The following PCDHGA4 variants were observed in gnomAD, a reference collection of about 807,000 sequenced individuals.
PCDHGA4 encodes protocadherin gamma-A4.
Under a neutral mutation model 54.6 loss-of-function variants are expected in PCDHGA4, and 38 were observed. The observed-to-expected ratio is 0.70, with a 90% CI of 0.54 to 0.91. The LOEUF is 0.91. PCDHGA4 is among the 40% of genes least tolerant of loss of function. PCDHGA4 has a pLI of 0.00. For synonymous variants in PCDHGA4, 511 were observed against 512.9 expected, an observed-to-expected ratio of 1.00 and a Z score of 0.05; for missense variants, 1,298 against 1,220.9, an observed-to-expected ratio of 1.06 and a Z score of -0.94.
intron 1 of PCDHGA4, chr5:141,398,766 T>C (rs775055352): frequency 6.2e-6 from 10 of 1,613,844 alleles, no homozygotes; most frequent in Non-Finnish European, 7.6e-6. Flanking sequence ...TAGTCCTGAC[T>C]GCCTTGGACG....
chr5:141,377,582 T>A (rs1774132578), intron 1 of PCDHGA4: 1 of 150,722 alleles, frequency 6.6e-6, no homozygotes. Flanking sequence ...GGAGACAGAA[T>A]GAGACTTTTT....
chr5:141,387,024 G>T (rs888266912), intron 1 of PCDHGA4, among the ~76,000 whole-genome samples: 2 of 152,172 alleles, frequency 1.3e-5, no homozygotes, highest in Non-Finnish European at 2.9e-5. Context: ...GATGAATGTT[G>T]TATTTCATAA....
At chr5:141,383,468 A>C in intron 1 of PCDHGA4, 1 of 1,613,774 alleles carries the variant, frequency 6.2e-7, no homozygotes, top group Non-Finnish European at 8.5e-7. Context: ...GATGAAACTA[A>C]GTACCCGGAA....
intron 1 of PCDHGA4, among the ~76,000 whole-genome samples, chr5:141,471,145 G>T (rs569617031): frequency 3.4e-4 from 50 of 148,740 alleles, no homozygotes; most frequent in Non-Finnish European, 5.4e-4. Flanking sequence ...TGCCTCCTGG[G>T]TTCAAGTGAT....
At chr5:141,400,799 G>A in intron 1 of PCDHGA4, 1 of 553,494 alleles carries the variant, frequency 1.8e-6, no homozygotes, top group Non-Finnish European at 3.2e-6. Context: ...CTTTCTCAAA[G>A]CTAATGAATT....
chr5:141,416,449 G>A (rs938389094), intron 1 of PCDHGA4: 1 of 152,138 alleles, frequency 6.6e-6, no homozygotes, highest in Non-Finnish European at 1.5e-5. Context: ...AATATGGGTT[G>A]GGAAGACAGA....
intron 1 of PCDHGA4, chr5:141,418,233 ATGT>A: frequency 6.2e-7 from 1 of 1,614,048 alleles, no homozygotes; most frequent in Admixed American, 1.7e-5. Context: ...GTGATTGAGG[ATGT>A]TAATGACCAC....
intron 1 of PCDHGA4, chr5:141,410,095 C>T (rs2095356889): frequency 1.2e-6 from 2 of 1,612,676 alleles, no homozygotes; most frequent in Non-Finnish European, 1.7e-6. Flanking sequence ...CGGCTCGAGC[C>T]TTAGGCGACA....
In PCDHGA4 at chr5:141,512,848, G is replaced by C. The variant is rs1362051688; in HGVS notation, c.*1675G>C. The C allele has an allele frequency of 6.6e-6, 1 of 152,216 alleles. No individual in the cohort carries two copies. 9.4% of individuals were successfully genotyped at this position (152,216 alleles called of 1,614,324 possible). ...CCCCGTACTGACTTCTCCTATAAGC[G>C]CTTCTCTTCGCATAGTCACGTAGCT... On this transcript the variant is annotated 3_prime_UTR_variant, in exon 4 of 4. Transcript: ENST00000571252.
Position 141,389,991 on chromosome 5 carries a change from G to C in PCDHGA4, c.2514+32370G>C, listed in dbSNP as rs561094692. The C allele has an allele frequency of 4.3e-6, 7 of 1,613,898 alleles. No homozygotes were observed. The Admixed American group carries it at 5.0e-5, about 12-fold the overall frequency. ...GGCCTTGATCTCAGTGCTCTTCCTC[G>C]TGGCCATGATTCTGGCCATTGCCTT... On this transcript the variant is annotated intron_variant, in intron 1 of 3. Transcript: ENST00000571252.
At chr5:141,394,753 A>G (rs2093084981) in intron 1 of PCDHGA4, 1 of 1,613,278 alleles carries the variant, frequency 6.2e-7, no homozygotes, top group Admixed American at 1.7e-5. Context: ...GTGGCCGTCC[A>G]GGACCATGGC....
chr5:141,460,142 G>A (rs932507660), intron 1 of PCDHGA4, among the ~76,000 whole-genome samples: 5 of 151,950 alleles, frequency 3.3e-5, no homozygotes, highest in African/African-American at 1.2e-4. Flanking sequence ...TATTCTTGAT[G>A]TGAGCTCTTT....
intron 1 of PCDHGA4, among the ~76,000 whole-genome samples, chr5:141,445,263 C>T (rs1170484721): frequency 1.3e-5 from 2 of 152,152 alleles, no homozygotes; most frequent in African/African-American, 2.4e-5. Context: ...GAATATAAGT[C>T]GAAACCACTC....
At chr5:141,503,598 C>CTAA (rs2099824827) in intron 2 of PCDHGA4, among the ~76,000 whole-genome samples, 2 of 65,752 alleles carry the variant, frequency 3.0e-5, no homozygotes, top group African/African-American at 9.3e-5. Flanking sequence ...GACTCCAGCT[C>CTAA]AAAAAAAAAA....
Position 141,422,774 on chromosome 5 carries a change from A to G in PCDHGA4, c.2514+65153A>G, listed in dbSNP as rs372343628. On this transcript the variant is annotated intron_variant, in intron 1 of 3. Coordinates refer to ENST00000571252, the MANE Select transcript of PCDHGA4 (RefSeq NM_018917.4). ...ATTAACTCCAACACTGGTGTTCTCT[A>G]TGCCCTACAATCCTTCGACTATGAG... 100 of 1,613,880 alleles carry G rather than the reference A, an allele frequency of 6.2e-5. 1 individual carries two copies. In the Middle Eastern group the frequency reaches 1.3e-3, roughly 21 times the overall value.
chr5:141,372,811 TGA>T (rs1193015568), intron 1 of PCDHGA4: 2 of 1,586,454 alleles, frequency 1.3e-6, no homozygotes, highest in Admixed American at 1.8e-5. Flanking sequence ...TTGCAAAAGG[TGA>T]GTTTCTTCAA....
intron 1 of PCDHGA4, among the ~76,000 whole-genome samples, chr5:141,380,672 T>C (rs1401105927): frequency 1.3e-5 from 2 of 152,212 alleles, no homozygotes; most frequent in Non-Finnish European, 1.5e-5. Context: ...CTCCATAGGG[T>C]ATGTATGCTT....
intron 1 of PCDHGA4, among the ~76,000 whole-genome samples, chr5:141,363,513 T>A (rs995820646): frequency 6.6e-6 from 1 of 152,210 alleles, no homozygotes; most frequent in Non-Finnish European, 1.5e-5. Context: ...TCCTCCACAG[T>A]TACTATACTG....
chr5:141,450,663 T>C (rs957466690), intron 1 of PCDHGA4, among the ~76,000 whole-genome samples: 1 of 151,652 alleles, frequency 6.6e-6, no homozygotes, highest in Non-Finnish European at 1.5e-5. Flanking sequence ...ATTTTTGTAC[T>C]TTTAGTAGAA....
Sources: allele counts gnomAD v4.1 joint callset (sites outside exome capture counted in the v4.1 genomes callset), GRCh38; gene constraint gnomAD v4.1.1; transcripts MANE v1.5; gene names NCBI Gene and HGNC (gene_info 2026-07-23, HGNC 2026-07-21).